SNTB1: variants seen among roughly 807,000 people sequenced by gnomAD.
SNTB1 encodes syntrophin beta 1, also known as beta-1-syntrophin.
Under a neutral mutation model 48.9 loss-of-function variants are expected in SNTB1, and 36 were observed. That is an observed-to-expected ratio of 0.74 (90% CI 0.56 to 0.97). The LOEUF is 0.97. SNTB1 is among the 50% of genes least tolerant of loss of function. The probability of loss-of-function intolerance (pLI) is 0.00; values close to 1 mark genes in which losing one functional copy is unlikely to be tolerated. For missense variants in SNTB1, 786 were observed against 703.4 expected (o/e 1.12, Z -1.33); for synonymous variants, 299 against 294.6 (o/e 1.01, Z -0.15).
At chr8:120,613,913 AAAT>A (rs1448575430) in intron 3 of SNTB1, among the ~76,000 whole-genome samples, 2 of 152,202 alleles carry the variant, frequency 1.3e-5, no homozygotes, top group Non-Finnish European at 2.9e-5. Flanking sequence ...GTGTCTTGGA[AAAT>A]AATAATAAGA....
At chr8:120,742,119 G>C (rs911087022) in intron 1 of SNTB1, among the ~76,000 whole-genome samples, 7 of 152,114 alleles carry the variant, frequency 4.6e-5, no homozygotes, top group Admixed American at 1.3e-4. Context: ...AAATAATAGG[G>C]CCTCTGAAAA....
At chr8:120,723,886 G>A (rs1028476129) in intron 1 of SNTB1, among the ~76,000 whole-genome samples, 4 of 152,222 alleles carry the variant, frequency 2.6e-5, no homozygotes, top group Non-Finnish European at 5.9e-5. Context: ...GCCACAGGGT[G>A]TTTCCAGTCT....
At chr8:120,649,968 G>A (rs1042758066) in intron 2 of SNTB1, among the ~76,000 whole-genome samples, 10 of 152,204 alleles carry the variant, frequency 6.6e-5, no homozygotes, top group African/African-American at 2.4e-4. Context: ...GACTCAGAAA[G>A]GGAACTCCCT....
At chr8:120,811,132 C>G in intron 1 of SNTB1, 141 bp downstream of exon 1, 6 of 276,398 alleles carry the variant, frequency 2.2e-5, no homozygotes, top group Middle Eastern at 1.6e-3. Flanking sequence ...CGCCACCCTT[C>G]CCCCCCCCCC....
chr8:120,608,229 C>A (rs527592349), intron 3 of SNTB1, among the ~76,000 whole-genome samples: 1 of 152,134 alleles, frequency 6.6e-6, no homozygotes, highest in African/African-American at 2.4e-5. Flanking sequence ...GATAAAAATT[C>A]TCCATGAGAA....
intron 1 of SNTB1, among the ~76,000 whole-genome samples, chr8:120,701,992 G>A (rs1286295620): frequency 6.6e-6 from 1 of 152,216 alleles, no homozygotes; most frequent in Non-Finnish European, 1.5e-5. Flanking sequence ...CAAGATAATT[G>A]ATGCCAAAGT....
chr8:120,633,644 G>C (rs1817021319), intron 2 of SNTB1, among the ~76,000 whole-genome samples: 1 of 151,944 alleles, frequency 6.6e-6, no homozygotes, highest in African/African-American at 2.4e-5. Context: ...AAAAATAAAA[G>C]TCCAACACCA....
Position 120,538,491 on chromosome 8 carries a change from C to A in SNTB1, c.*386G>T. On this transcript the variant is annotated 3_prime_UTR_variant, in exon 7 of 7. Coordinates refer to ENST00000517992, the MANE Select transcript of SNTB1 (RefSeq NM_021021.4). ...GAGGAGTAGGTAAGAATGTCCATTT[C>A]TCAACTATTCGGCCCTTGCGTACCT... The A allele has an allele frequency of 2.9e-6, 1 of 340,972 alleles. No individual in the cohort carries two copies. The highest frequency in any genetic ancestry group is 7.4e-5 in the East Asian group (1 of 13,520). 21.1% of individuals were successfully genotyped at this position (340,972 alleles called of 1,614,324 possible).
chr8:120,805,347 T>C lies in SNTB1; in HGVS notation c.571+5926A>G, dbSNP rs960583571. Among the ~76,000 whole-genome samples the C allele has an allele frequency of 3.3e-5, 5 of 152,150 alleles. No homozygotes were observed. In the East Asian group the frequency reaches 9.6e-4, roughly 29 times the overall value. On this transcript the variant is annotated intron_variant, in intron 1 of 6. Transcript: ENST00000517992. ...ATTAAGGTTGCTAATGAGATGACAT[T>C]TAAATGGAGAATTATCCTGGTGTGT...
chr8:120,706,427 A>C (rs2129905070), intron 1 of SNTB1, among the ~76,000 whole-genome samples: 1 of 152,292 alleles, frequency 6.6e-6, no homozygotes, highest in South Asian at 2.1e-4. Context: ...AAATTTCTAC[A>C]GAATATGATT....
intron 3 of SNTB1, among the ~76,000 whole-genome samples, chr8:120,578,957 A>G (rs9969407): frequency 0.92 from 140,752 of 152,196 alleles, 65,194 homozygotes; most frequent in Middle Eastern, 0.96. Context: ...TGGGCAGATC[A>G]CCTGAGGTTG....
chr8:120,757,090 C>T (rs1350226742), intron 1 of SNTB1, among the ~76,000 whole-genome samples: 2 of 152,278 alleles, frequency 1.3e-5, no homozygotes, highest in Non-Finnish European at 1.5e-5. Context: ...ATACGCCAGG[C>T]CTTGGGCTAA....
chr8:120,725,587 G>GTTT (rs1188623338), intron 1 of SNTB1, among the ~76,000 whole-genome samples: 1 of 152,156 alleles, frequency 6.6e-6, no homozygotes, highest in East Asian at 1.9e-4. Flanking sequence ...TTGTTTGTTT[G>GTTT]TTTTTGAAAG....
At chr8:120,546,889 G>A (rs1332361194) in intron 5 of SNTB1, among the ~76,000 whole-genome samples, 1 of 152,194 alleles carries the variant, frequency 6.6e-6, no homozygotes, top group Non-Finnish European at 1.5e-5. Context: ...AGAGTGGCAT[G>A]AAAGTTATTG....
chr8:120,554,676 G>T (rs1455080022), intron 4 of SNTB1, among the ~76,000 whole-genome samples: 1 of 152,076 alleles, frequency 6.6e-6, no homozygotes, highest in African/African-American at 2.4e-5. Flanking sequence ...TTTAATATTA[G>T]AAGTGTTTCG....
intron 4 of SNTB1, among the ~76,000 whole-genome samples, chr8:120,568,662 G>A (rs576927198): frequency 5.3e-5 from 8 of 152,160 alleles, no homozygotes; most frequent in African/African-American, 7.2e-5. Context: ...CCAGGCTGCC[G>A]CCCAGGAGCA....
chr8:120,771,910 C>T (rs1213579441), intron 1 of SNTB1, among the ~76,000 whole-genome samples: 1 of 152,148 alleles, frequency 6.6e-6, no homozygotes, highest in Non-Finnish European at 1.5e-5. Context: ...ACTCCCCTTG[C>T]CCAGGCTGGA....
chr8:120,766,817 A>G (rs1229325775), intron 1 of SNTB1, among the ~76,000 whole-genome samples: 1 of 152,222 alleles, frequency 6.6e-6, no homozygotes, highest in Admixed American at 6.5e-5. Context: ...TGTATTTGCC[A>G]TGGAGCTTAC....
intron 1 of SNTB1, among the ~76,000 whole-genome samples, chr8:120,797,547 T>TC (rs1820142185): frequency 4.7e-4 from 5 of 10,620 alleles, no homozygotes; most frequent in South Asian, 1.8e-3. Context: ...CTTGTTTCTC[T>TC]TTTTTTTTTT....
Sources: gnomAD v4.1 joint callset for allele counts (sites outside exome capture counted in the v4.1 genomes callset) on GRCh38, gnomAD v4.1.1 for gene constraint, MANE v1.5 for transcripts, NCBI Gene and HGNC (gene_info 2026-07-23, HGNC 2026-07-21) for gene names.